The following LRBA variants were observed in gnomAD, a reference collection of about 807,000 sequenced individuals.
LRBA encodes the protein lipopolysaccharide-responsive and beige-like anchor protein.
In LRBA, 176 loss-of-function variants were observed where a neutral mutation model predicts 330.0. That is an observed-to-expected ratio of 0.53 (90% confidence interval 0.47 to 0.60). LRBA has a LOEUF of 0.60. LRBA is among the 20% of genes least tolerant of loss of function. LRBA has a pLI of 0.00. For synonymous variants in LRBA, 1,230 were observed against 1,193.0 expected, an observed-to-expected ratio of 1.03 and a Z score of -0.64; for missense variants, 3,259 against 3,444.8, an observed-to-expected ratio of 0.95 and a Z score of 1.35.
At chr4:150,273,308 G>C (rs906642195) in intron 56 of LRBA, among the ~76,000 whole-genome samples, 14 of 152,150 alleles carry the variant, frequency 9.2e-5, no homozygotes, top group Non-Finnish European at 2.1e-4. Context: ...GCTCCTGAAG[G>C]AAGCACTAGA....
intron 2 of LRBA, among the ~76,000 whole-genome samples, chr4:151,011,093 C>T (rs1212234612): frequency 3.4e-5 from 5 of 145,412 alleles, no homozygotes; most frequent in Non-Finnish European, 6.0e-5. Context: ...AGGCTGACGC[C>T]GGAGAATGGC....
chr4:150,486,167 T>C (rs1266685100), intron 42 of LRBA, among the ~76,000 whole-genome samples: 1 of 151,888 alleles, frequency 6.6e-6, no homozygotes, highest in Non-Finnish European at 1.5e-5. Flanking sequence ...TAACAATGTA[T>C]ATATGTATCA....
At chr4:150,897,438 G>C (rs1327395945) in intron 15 of LRBA, among the ~76,000 whole-genome samples, 1 of 151,942 alleles carries the variant, frequency 6.6e-6, no homozygotes, top group Non-Finnish European at 1.5e-5. Flanking sequence ...CCTCCTTCAG[G>C]AGTTTAGTGC....
At chr4:150,927,206 C>G (rs1310861101) in intron 4 of LRBA, among the ~76,000 whole-genome samples, 1 of 151,794 alleles carries the variant, frequency 6.6e-6, no homozygotes, top group African/African-American at 2.4e-5. Flanking sequence ...AACCCCGTCT[C>G]TACTAAAAAT....
chr4:150,590,595 A>AT, intron 39 of LRBA, 118 bp downstream of exon 39: 3 of 804,960 alleles, frequency 3.7e-6, no homozygotes, highest in Non-Finnish European at 6.0e-6. Flanking sequence ...GAAATAACCA[A>AT]TTAATGTAAT....
At chr4:150,808,032 T>C (rs907810602) in intron 32 of LRBA, among the ~76,000 whole-genome samples, 1 of 152,194 alleles carries the variant, frequency 6.6e-6, no homozygotes, top group African/African-American at 2.4e-5. Context: ...TAAGCTTATG[T>C]AAATATTTGT....
intron 40 of LRBA, among the ~76,000 whole-genome samples, chr4:150,573,135 C>T (rs891889450): frequency 4.6e-5 from 7 of 152,120 alleles, no homozygotes; most frequent in African/African-American, 1.7e-4. Context: ...CTGAACACAC[C>T]ATTGCCCTCA....
At chr4:150,939,535 G>A (rs529583157) in intron 2 of LRBA, among the ~76,000 whole-genome samples, 2 of 152,240 alleles carry the variant, frequency 1.3e-5, no homozygotes, top group African/African-American at 4.8e-5. Context: ...CCACAGAACT[G>A]AGGGAATAAA....
At position 150,584,431 on chromosome 4, in the gene LRBA, C is replaced by A. The variant is rs76666584; in HGVS notation, c.6330+3617G>T. ...AAATCAATGTATAGTAGTTCCCCCCCCTTTTCCTTCTTTCCCCCTATCCTT... is the reference window on the plus strand; with the variant it reads ...AAATCAATGTATAGTAGTTCCCCCCACTTTTCCTTCTTTCCCCCTATCCTT... On this transcript the variant is annotated intron_variant, in intron 40 of 56. Coordinates refer to ENST00000651943, the MANE Select transcript of LRBA (RefSeq NM_001364905.1). 1,100 of 130,488 alleles carry A rather than the reference C, an allele frequency of 8.4e-3. 6 individuals are homozygous for A. The highest frequency in any genetic ancestry group is 0.014 in the Non-Finnish European group (769 of 55,934). The allele number at this position is 130,488 out of a possible 1,614,324, so 8.1% of individuals were successfully genotyped here.
intron 37 of LRBA, among the ~76,000 whole-genome samples, chr4:150,614,905 A>G (rs1375241473): frequency 6.6e-6 from 1 of 152,248 alleles, no homozygotes; most frequent in African/African-American, 2.4e-5. Flanking sequence ...TCAGCTGGCC[A>G]TATCTGTGAC....
intron 56 of LRBA, among the ~76,000 whole-genome samples, chr4:150,270,462 C>G (rs1745926851): frequency 6.6e-6 from 1 of 152,162 alleles, no homozygotes; most frequent in African/African-American, 2.4e-5. Flanking sequence ...TATGATTCCA[C>G]TTAACAGAAG....
chr4:150,663,802 T>C (rs866717524), intron 37 of LRBA, among the ~76,000 whole-genome samples: 39 of 152,074 alleles, frequency 2.6e-4, no homozygotes, highest in Admixed American at 2.2e-3. Context: ...TCAAACGCTA[T>C]GAGAACACAT....
At chr4:150,337,785 C>T (rs1190386195) in intron 48 of LRBA, among the ~76,000 whole-genome samples, 1 of 152,092 alleles carries the variant, frequency 6.6e-6, no homozygotes, top group Non-Finnish European at 1.5e-5. Context: ...TTAAATCTCA[C>T]CACAGTCACA....
At chr4:150,710,330 G>A (rs889525706) in intron 36 of LRBA, among the ~76,000 whole-genome samples, 1 of 151,988 alleles carries the variant, frequency 6.6e-6, no homozygotes, top group Non-Finnish European at 1.5e-5. Context: ...TAGTTAACAG[G>A]GGAATATACA....
chr4:150,437,529 TA>T (rs1190613299), intron 44 of LRBA, among the ~76,000 whole-genome samples: 2 of 149,160 alleles, frequency 1.3e-5, no homozygotes, highest in African/African-American at 2.5e-5. Flanking sequence ...ATTATAAAAT[TA>T]AAAATATCAC....
intron 37 of LRBA, among the ~76,000 whole-genome samples, chr4:150,635,922 C>T (rs1472854312): frequency 6.6e-6 from 1 of 152,132 alleles, no homozygotes; most frequent in Non-Finnish European, 1.5e-5. Context: ...AAGACACTGA[C>T]ATTTAGATGA....
intron 40 of LRBA, among the ~76,000 whole-genome samples, chr4:150,505,600 T>C (rs994243460): frequency 6.6e-6 from 1 of 152,190 alleles, no homozygotes; most frequent in African/African-American, 2.4e-5. Flanking sequence ...GGGAAATTTA[T>C]AGCACTAAAT....
intron 40 of LRBA, among the ~76,000 whole-genome samples, chr4:150,516,385 T>G (rs922441988): frequency 8.6e-5 from 13 of 151,736 alleles, no homozygotes; most frequent in African/African-American, 2.9e-4. Context: ...ACATATATAA[T>G]CTAAAGGCCA....
chr4:150,691,244 T>C (rs1784113066), intron 36 of LRBA, among the ~76,000 whole-genome samples: 2 of 151,918 alleles, frequency 1.3e-5, no homozygotes, highest in African/African-American at 2.4e-5. Flanking sequence ...ACCTGCTCTT[T>C]AAAAGAACCA....
Sources: gnomAD v4.1 joint callset for allele counts (sites outside exome capture counted in the v4.1 genomes callset) on GRCh38, gnomAD v4.1.1 for gene constraint, MANE v1.5 for transcripts, NCBI Gene and HGNC (gene_info 2026-07-23, HGNC 2026-07-21) for gene names.